Variants in DCTN1 observed in about 807,000 individuals in gnomAD.
DCTN1 encodes dynactin subunit 1, also known as 150 kDa dynein-associated polypeptide.
DCTN1 carries 61 observed loss-of-function variants against 161.2 expected under a neutral mutation model. The observed-to-expected ratio is 0.38, with a 90% confidence interval of 0.31 to 0.47. DCTN1 has a LOEUF of 0.47. Among genes scored for constraint, DCTN1 ranks in the 20% least tolerant of loss-of-function variants. DCTN1 has a pLI of 0.99. For synonymous variants in DCTN1, 653 were observed against 632.4 expected, an observed-to-expected ratio of 1.03 and a Z score of -0.49; for missense variants, 1,404 against 1,623.7, an observed-to-expected ratio of 0.86 and a Z score of 2.33.
chr2:74,366,732 C>T, intron 21 of DCTN1, 51 bp downstream of exon 21: 1 of 1,614,202 alleles, frequency 6.2e-7, no homozygotes, highest in African/African-American at 1.3e-5. Context: ...AGTGCTATAC[C>T]CTTCATGTTT....
In DCTN1 at chr2:74,380,246, T is replaced by C. The variant is rs1675452785; in HGVS notation, c.-209A>G. ...TGGGGGCTGAGGAGCAAGTCCCCTC[T>C]GCTGCCTGAGGATTCCTGAACCCAG... On this transcript the variant is annotated 5_prime_UTR_variant, in exon 1 of 32. Transcript: ENST00000628224. 4.7e-6 allele frequency: 3 copies of C among 642,948 alleles called. No individual in the cohort carries two copies. In the South Asian group the frequency reaches 5.1e-5, roughly 11 times the overall value. 39.8% of individuals were successfully genotyped at this position (642,948 alleles called of 1,614,324 possible). A position where few individuals can be genotyped will look rare whatever the true frequency, so the allele number is the denominator to read the frequency against.
At chr2:74,380,451 A>C, upstream of DCTN1, 2 of 481,912 alleles carry the variant, frequency 4.2e-6, no homozygotes, top group Non-Finnish European at 8.5e-6. Context: ...ACACTGTCCT[A>C]GGGCTGGAAG....
In DCTN1 at chr2:74,368,890, G is replaced by C. The variant is rs755962226; in HGVS notation, c.1702-10C>G. Reference sequence around the variant, plus strand: ...ATTCCATCTCAATTGCCTGTGAGGTGAACAGGGAGGAGGACTCTTAGCCAG... The same window carrying C: ...ATTCCATCTCAATTGCCTGTGAGGTCAACAGGGAGGAGGACTCTTAGCCAG... On this transcript the variant is annotated splice_polypyrimidine_tract_variant and intron_variant, in intron 15 of 31. Coordinates refer to ENST00000628224, the MANE Select transcript of DCTN1 (RefSeq NM_004082.5). 3 of 1,614,132 alleles carry C rather than the reference G, an allele frequency of 1.9e-6. No homozygotes were observed. In the East Asian group the frequency reaches 6.7e-5, roughly 36 times the overall value.
intron 23 of DCTN1, 39 bp downstream of exon 23, chr2:74,366,205 A>C (rs1172194702): frequency 1.2e-6 from 2 of 1,613,516 alleles, no homozygotes; most frequent in East Asian, 2.2e-5. Flanking sequence ...TCTTACTCCT[A>C]CAGGCCTCTG....
At chr2:74,371,816 A>C in intron 7 of DCTN1, 88 bp from the exon 8 acceptor site, 1 of 1,078,718 alleles carries the variant, frequency 9.3e-7, no homozygotes, top group Middle Eastern at 2.1e-4. Flanking sequence ...GAATATGGCA[A>C]GGGAAGGAGA....
At chr2:74,364,907 A>G (rs1674286991) in intron 26 of DCTN1, 168 bp downstream of exon 26, 2 of 793,440 alleles carry the variant, frequency 2.5e-6, no homozygotes, top group African/African-American at 3.4e-5. Flanking sequence ...ACACATCTTC[A>G]GCGGAAGGGA....
In DCTN1 at chr2:74,380,124, G is replaced by A. The variant is rs1558950414; in HGVS notation, c.-87C>T. 1.3e-5 allele frequency: 19 copies of A among 1,471,402 alleles called. 1 individual carries two copies. The highest frequency in any genetic ancestry group is 1.8e-5 in the Non-Finnish European group (19 of 1,056,996). The allele number at this position is 1,471,402 out of a possible 1,614,324, so 91.1% of individuals were successfully genotyped here. ...ACCTAGGCAGGAGGGTCAGGGCGCT[G>A]GGCCCTCATAGAGGGACACAGGAGT... On this transcript the variant is annotated 5_prime_UTR_variant, in exon 1 of 32. An upstream open reading frame in the 5' UTR gains an earlier in-frame stop. Transcript: ENST00000628224.
In DCTN1 at chr2:74,374,349, T is replaced by C; in HGVS notation, c.415-9A>G. The C allele has an allele frequency of 2.5e-6, 4 of 1,608,900 alleles. No individual in the cohort carries two copies. Among genetic ancestry groups the C allele is most frequent in the Non-Finnish European group, 3.4e-6 (4 of 1,177,006 alleles). On this transcript the variant is annotated splice_polypyrimidine_tract_variant and intron_variant, in intron 5 of 31. Coordinates refer to ENST00000628224, the MANE Select transcript of DCTN1 (RefSeq NM_004082.5). ...TTTCGGGCTGTCGGTGCCTGTCTCA[T>C]CATTGCAGAAAACCAAAGAAAGCAA...
upstream of DCTN1, among the ~76,000 whole-genome samples, chr2:74,382,658 C>T (rs1303313509): frequency 6.6e-6 from 1 of 150,748 alleles, no homozygotes; most frequent in Admixed American, 6.6e-5. Flanking sequence ...AAAGAATTAC[C>T]TGACATGATA....
At chr2:74,379,834 G>A (rs760334755) in intron 1 of DCTN1, among the ~76,000 whole-genome samples, 171 bp downstream of exon 1, 60 of 152,232 alleles carry the variant, frequency 3.9e-4, no homozygotes, top group Admixed American at 1.5e-3. Context: ...GTAAAGGGAA[G>A]CCTGTCCAGC....
Position 74,368,297 on chromosome 2 carries a change from T to C in DCTN1, c.1855-166A>G, listed in dbSNP as rs1674575091. 3 of 890,488 alleles carry C rather than the reference T, an allele frequency of 3.4e-6. No homozygotes were observed. The African/African-American group carries it at 5.0e-5, about 15-fold the overall frequency. The allele number at this position is 890,488 out of a possible 1,614,324, so 55.2% of individuals were successfully genotyped here. On this transcript the variant is annotated intron_variant, in intron 16 of 31. Coordinates refer to ENST00000628224, the MANE Select transcript of DCTN1 (RefSeq NM_004082.5). ...TGGGGAATCTTGCATGGGGAAAGGG[T>C]AGTGATGTGATTACTGGAGGTTGTG...
intron 30 of DCTN1, among the ~76,000 whole-genome samples, 164 bp from the exon 31 acceptor site, chr2:74,362,305 C>A (rs1458642016): frequency 2.0e-5 from 3 of 152,164 alleles, no homozygotes; most frequent in Non-Finnish European, 2.9e-5. Context: ...CACACCAGCA[C>A]TCCTCCTTAC....
chr2:74,366,601 T>C lies in DCTN1; in HGVS notation c.2486A>G (p.Asp829Gly), dbSNP rs1358579086. Residue 829 changes from aspartate to glycine, a missense_variant, in exon 22 of 32, where the codon GAC becomes GGC. Asp to Gly is a moderately conservative substitution (Grantham distance 94). This residue lies in a region of DCTN1 where 475 missense variants were observed against 489.8 expected (regional missense o/e 0.97). Transcript: ENST00000628224. ...GACCCACGTCAAGTGTTTCCTGCAGTCTAGGAGCGTGTCAGATACCTGTGT... is the reference window on the plus strand; with the variant it reads ...GACCCACGTCAAGTGTTTCCTGCAGCCTAGGAGCGTGTCAGATACCTGTGT... ...FGPQVSDTLL[D>G]CRKHLTWVVA... 1 of 1,612,322 alleles carries C rather than the reference T, an allele frequency of 6.2e-7. No individual in the cohort carries two copies. The highest frequency in any genetic ancestry group is 8.5e-7 in the Non-Finnish European group (1 of 1,180,024).
intron 5 of DCTN1, 34 bp from the exon 6 acceptor site, chr2:74,374,374 A>C: frequency 6.2e-7 from 1 of 1,613,048 alleles, no homozygotes; most frequent in Non-Finnish European, 8.5e-7. Flanking sequence ...AAAGAAAGCA[A>C]GGAGAGGAAA....
chr2:74,363,226 T>C, intron 28 of DCTN1, 49 bp from the exon 29 acceptor site: 1 of 1,614,058 alleles, frequency 6.2e-7, no homozygotes, highest in Non-Finnish European at 8.5e-7. Flanking sequence ...AGGAGGCCCC[T>C]GTCATCTATC....
intron 5 of DCTN1, chr2:74,374,790 A>G: frequency 9.2e-7 from 1 of 1,081,830 alleles, no homozygotes; most frequent in Non-Finnish European, 1.1e-6. Flanking sequence ...CCTCCTCATG[A>G]CAGTCATGCG....
At chr2:74,389,925 T>TA (rs1368467023) in intron 1 of DCTN1, among the ~76,000 whole-genome samples, 1 of 152,170 alleles carries the variant, frequency 6.6e-6, no homozygotes, top group African/African-American at 2.4e-5. Context: ...CCAACCACCT[T>TA]ATACATCACA....
At chr2:74,381,842 C>T (rs114010534), upstream of DCTN1, among the ~76,000 whole-genome samples, 534 of 152,272 alleles carry the variant, frequency 3.5e-3, 5 homozygotes, top group African/African-American at 0.012. Context: ...ACAAAGCATC[C>T]AGGACACCGC....
chr2:74,367,872 C>A lies in DCTN1; in HGVS notation c.2016-8G>T. 1 of 1,614,194 alleles carries A rather than the reference C, an allele frequency of 6.2e-7. No homozygotes were observed. Among genetic ancestry groups the A allele is most frequent in the Non-Finnish European group, 8.5e-7 (1 of 1,180,034 alleles). ...CTGCACTGAGAGAGGGCACTAGAGA[C>A]CAGAGAAGGGCACTGTGAGGCTAGA... On this transcript the variant is annotated splice_polypyrimidine_tract_variant and splice_region_variant and intron_variant, in intron 17 of 31. Coordinates refer to ENST00000628224, the MANE Select transcript of DCTN1 (RefSeq NM_004082.5).
Sources: gnomAD v4.1 joint callset for allele counts (sites outside exome capture counted in the v4.1 genomes callset) on GRCh38, gnomAD v4.1.1 for gene constraint, gnomAD v4.1.1 regional missense constraint, MANE v1.5 for transcripts, NCBI Gene and HGNC (gene_info 2026-07-23, HGNC 2026-07-21) for gene names.